Variants in CDIN1 observed in about 807,000 individuals in gnomAD.
CDIN1 encodes the protein CDAN1-interacting nuclease 1.
A neutral mutation model predicts 45.3 loss-of-function variants in CDIN1; 33 were observed. That is an observed-to-expected ratio of 0.73 (90% CI 0.55 to 0.97). The LOEUF (loss-of-function observed/expected upper bound fraction) is 0.97, where lower values mean the gene tolerates loss of function less well. CDIN1 is among the 50% of genes least tolerant of loss of function. The pLI is 0.00. For synonymous variants in CDIN1, 118 were observed against 124.4 expected, an observed-to-expected ratio of 0.95 and a Z score of 0.34; for missense variants, 303 against 339.4, an observed-to-expected ratio of 0.89 and a Z score of 0.84.
intron 10 of CDIN1, among the ~76,000 whole-genome samples, chr15:36,747,759 G>A (rs2044495546): frequency 6.6e-6 from 1 of 152,058 alleles, no homozygotes; most frequent in African/African-American, 2.4e-5. Context: ...CTACCACTTT[G>A]ACATAGAGAA....
At chr15:36,589,444 ACAG>A (rs2037461588) in intron 1 of CDIN1, among the ~76,000 whole-genome samples, 1 of 152,104 alleles carries the variant, frequency 6.6e-6, no homozygotes, top group Non-Finnish European at 1.5e-5. Context: ...AGCTGTATAT[ACAG>A]TGAATACATT....
At chr15:36,709,813 T>A (rs1415895163) in intron 9 of CDIN1, 43 bp from the exon 10 acceptor site, 1 of 1,521,852 alleles carries the variant, frequency 6.6e-7, no homozygotes, top group East Asian at 2.3e-5. Context: ...ATTTTCAATC[T>A]TCCCCTCCCT....
At chr15:36,618,989 C>T (rs1283305499) in intron 1 of CDIN1, 8 of 1,533,098 alleles carry the variant, frequency 5.2e-6, no homozygotes, top group Non-Finnish European at 7.1e-6. Context: ...GAGCCATCTT[C>T]AGTTCTTGTG....
At chr15:36,713,028 A>G (rs1034369190) in intron 10 of CDIN1, among the ~76,000 whole-genome samples, 11 of 152,326 alleles carry the variant, frequency 7.2e-5, no homozygotes, top group African/African-American at 2.4e-4. Context: ...ATCTATTACT[A>G]AGTATACTTT....
At chr15:36,660,426 ATTAC>A (rs2040963190) in intron 5 of CDIN1, among the ~76,000 whole-genome samples, 1 of 152,050 alleles carries the variant, frequency 6.6e-6, no homozygotes, top group African/African-American at 2.4e-5. Context: ...TGTATTTACT[ATTAC>A]TTTCATTAGA....
chr15:36,773,517 G>A (rs1390005833), intron 10 of CDIN1, among the ~76,000 whole-genome samples: 3 of 152,118 alleles, frequency 2.0e-5, no homozygotes, highest in African/African-American at 7.2e-5. Context: ...CTAGATCTGG[G>A]GTACAGGCTC....
At chr15:36,752,660 C>T (rs1395783094) in intron 10 of CDIN1, among the ~76,000 whole-genome samples, 1 of 152,150 alleles carries the variant, frequency 6.6e-6, no homozygotes, top group African/African-American at 2.4e-5. Flanking sequence ...TTCATTTCTA[C>T]TCATCTCTTG....
At chr15:36,589,694 C>T (rs898913563) in intron 1 of CDIN1, among the ~76,000 whole-genome samples, 1 of 151,622 alleles carries the variant, frequency 6.6e-6, no homozygotes, top group Non-Finnish European at 1.5e-5. Flanking sequence ...TTAGTAGAGA[C>T]GGGGTTTCAC....
intron 5 of CDIN1, among the ~76,000 whole-genome samples, chr15:36,670,231 CCTT>C (rs906825194): frequency 4.6e-5 from 7 of 152,046 alleles, no homozygotes; most frequent in African/African-American, 1.4e-4. Context: ...ATTCCATACT[CCTT>C]CTTCTCTTGT....
intron 10 of CDIN1, chr15:36,756,086 A>ATAAGTTTGAC (rs2053602328): frequency 8.8e-6 from 4 of 455,982 alleles, no homozygotes; most frequent in Middle Eastern, 3.3e-4. Context: ...GAGTAGATAA[A>ATAAGTTTGAC]TAAGTTTGAC....
chr15:36,809,204 A>C lies in CDIN1; in HGVS notation c.*751A>C. ...TAGTTCCATTGTGCCTGGAAACCAC[A>C]CTCCTTTAGATTGGGGGCCGAGAGG... On this transcript the variant is annotated 3_prime_UTR_variant, in exon 11 of 11. Coordinates refer to ENST00000566621, the MANE Select transcript of CDIN1 (RefSeq NM_001321759.2). The C allele has an allele frequency of 7.1e-6, 2 of 281,972 alleles. No individual in the cohort carries two copies. The highest frequency in any genetic ancestry group is 9.4e-5 in the East Asian group (1 of 10,628). 17.5% of individuals were successfully genotyped at this position (281,972 alleles called of 1,614,324 possible).
At chr15:36,641,215 T>A (rs887480345) in intron 1 of CDIN1, 8 of 152,268 alleles carry the variant, frequency 5.3e-5, no homozygotes, top group African/African-American at 1.9e-4. Flanking sequence ...ATTTCTTTGG[T>A]TTGGAGATTT....
At chr15:36,581,102 G>T (rs1200998925) in intron 1 of CDIN1, among the ~76,000 whole-genome samples, 3 of 152,268 alleles carry the variant, frequency 2.0e-5, no homozygotes, top group East Asian at 3.9e-4. Flanking sequence ...TATTTTATCA[G>T]ACTTGCTAAG....
chr15:36,657,932 A>G (rs1257517984), intron 5 of CDIN1, 27 bp downstream of exon 5: 2 of 1,545,790 alleles, frequency 1.3e-6, no homozygotes, highest in African/African-American at 2.7e-5. Flanking sequence ...TCCTAATGGT[A>G]CTCTTTTACT....
At chr15:36,770,891 G>A (rs1367053702) in intron 10 of CDIN1, among the ~76,000 whole-genome samples, 2 of 152,220 alleles carry the variant, frequency 1.3e-5, no homozygotes, top group Non-Finnish European at 2.9e-5. Context: ...AAATGCTGCT[G>A]CCCAGCGAGA....
chr15:36,754,793 T>G (rs893696235), intron 10 of CDIN1, among the ~76,000 whole-genome samples: 3 of 152,146 alleles, frequency 2.0e-5, no homozygotes, highest in Non-Finnish European at 2.9e-5. Context: ...TTAACAATTA[T>G]AGTACCTGAA....
At chr15:36,614,691 A>G (rs1040924235) in intron 1 of CDIN1, among the ~76,000 whole-genome samples, 2 of 152,190 alleles carry the variant, frequency 1.3e-5, no homozygotes, top group Admixed American at 6.5e-5. Flanking sequence ...AGACTGTACT[A>G]TGGGAAGCCT....
chr15:36,662,347 A>G (rs1344851012), intron 5 of CDIN1, among the ~76,000 whole-genome samples: 2 of 152,208 alleles, frequency 1.3e-5, no homozygotes, highest in Non-Finnish European at 2.9e-5. Context: ...CCAGAATGGG[A>G]TTATGATTTC....
At chr15:36,583,688 TATTTCTGGTCATA>T (rs1449838003) in intron 1 of CDIN1, among the ~76,000 whole-genome samples, 16 of 152,306 alleles carry the variant, frequency 1.1e-4, no homozygotes, top group Non-Finnish European at 1.9e-4. Flanking sequence ...TCCTATAGCA[TATTTCTGGTCATA>T]ATAACATCAC....
Sources: gnomAD v4.1 joint callset for allele counts (sites outside exome capture counted in the v4.1 genomes callset) on GRCh38, gnomAD v4.1.1 for gene constraint, MANE v1.5 for transcripts, NCBI Gene and HGNC (gene_info 2026-07-23, HGNC 2026-07-21) for gene names.